Variants in CDYL2 observed in about 807,000 individuals in gnomAD.
CDYL2 encodes chromodomain Y-like protein 2.
In CDYL2, 23 loss-of-function variants were observed where a neutral mutation model predicts 49.4. The ratio of observed to expected loss-of-function variants is 0.47; its 90% confidence interval spans 0.34 to 0.66. CDYL2 has a LOEUF of 0.66. Ranked by LOEUF, CDYL2 falls within the 30% of genes least tolerant of loss-of-function variation. The pLI, the probability that CDYL2 is intolerant of heterozygous loss-of-function variation, is 0.01. For synonymous variants in CDYL2, 360 were observed against 268.8 expected, an observed-to-expected ratio of 1.34 and a Z score of -3.32; for missense variants, 678 against 656.4, an observed-to-expected ratio of 1.03 and a Z score of -0.36.
Position 80,684,404 on chromosome 16 carries a change from G to C in CDYL2, c.616+134C>G, listed in dbSNP as rs940248015. The C allele has an allele frequency of 4.2e-5, 34 of 805,794 alleles. No individual in the cohort carries two copies. In the African/African-American group the frequency reaches 4.7e-4, roughly 11 times the overall value. The allele number at this position is 805,794 out of a possible 1,614,324, so 49.9% of individuals were successfully genotyped here. A position where few individuals can be genotyped will look rare whatever the true frequency, so the allele number is the denominator to read the frequency against. On this transcript the variant is annotated intron_variant, in intron 2 of 6. Transcript: ENST00000570137. ...AGTCCACAAAGCTCTAGGTGAGAGA[G>C]ATGAAGGGGGAATTGCTGGCTAGCT...
chr16:80,601,944 A>G lies in CDYL2; in HGVS notation c.*2444T>C, dbSNP rs1906105332. On this transcript the variant is annotated 3_prime_UTR_variant, in exon 7 of 7. Coordinates refer to ENST00000570137, the MANE Select transcript of CDYL2 (RefSeq NM_152342.4). ...AAGCTGAAGCATTTCTAGTTCTTTC[A>G]AGCAGGGAATGAAGGTGGACACTGA... 1 of 152,200 alleles carries G rather than the reference A, an allele frequency of 6.6e-6. No homozygotes were observed. Among genetic ancestry groups the G allele is most frequent in the African/African-American group, 2.4e-5 (1 of 41,458 alleles). 9.4% of individuals were successfully genotyped at this position (152,200 alleles called of 1,614,324 possible).
At chr16:80,656,250 G>C (rs1203372538) in intron 2 of CDYL2, among the ~76,000 whole-genome samples, 1 of 152,206 alleles carries the variant, frequency 6.6e-6, no homozygotes, top group Non-Finnish European at 1.5e-5. Context: ...ATTCAAAAAG[G>C]AGGAACTAAT....
intron 1 of CDYL2, among the ~76,000 whole-genome samples, chr16:80,729,982 GC>G (rs1460781432): frequency 6.6e-6 from 1 of 152,004 alleles, no homozygotes; most frequent in African/African-American, 2.4e-5. Flanking sequence ...AGCACTAAAT[GC>G]CCACAAGAGA....
At chr16:80,743,678 TG>T (rs1181379319) in intron 1 of CDYL2, among the ~76,000 whole-genome samples, 3 of 152,238 alleles carry the variant, frequency 2.0e-5, no homozygotes, top group Non-Finnish European at 4.4e-5. Context: ...TTTGTTTGTT[TG>T]TTTGTTTTTT....
chr16:80,619,805 G>A lies in CDYL2; in HGVS notation c.1007+958C>T, dbSNP rs75953902. Among the ~76,000 whole-genome samples the A allele has an allele frequency of 3.2e-4, 48 of 152,306 alleles. No homozygotes were observed. The East Asian group carries it at 8.9e-3, about 28-fold the overall frequency. On this transcript the variant is annotated intron_variant, in intron 4 of 6. Transcript: ENST00000570137. ...CAATGGCTGCTTCACCCTGAAGAGG[G>A]ACTCAGAATTCCACACACAAGAGCA... is the stretch of plus-strand genomic sequence containing the variant.
rs567694976 is a variant in CDYL2 at position 80,701,731 on chromosome 16, G to A, written c.25-16602C>T. Among the ~76,000 whole-genome samples, 160 of 152,310 alleles carry A rather than the reference G, an allele frequency of 1.1e-3. 2 individuals are homozygous for A. The highest frequency in any genetic ancestry group is 1.9e-3 in the South Asian group (9 of 4,828). ...AAAGTTGGTTTGCAACAAACTGATCGATAAATGTAACGCAGTTTACAATCA... is the reference window on the plus strand; with the variant it reads ...AAAGTTGGTTTGCAACAAACTGATCAATAAATGTAACGCAGTTTACAATCA... On this transcript the variant is annotated intron_variant, in intron 1 of 6. Coordinates refer to ENST00000570137, the MANE Select transcript of CDYL2 (RefSeq NM_152342.4).
chr16:80,627,623 T>G (rs1048366471), intron 3 of CDYL2: 2 of 152,224 alleles, frequency 1.3e-5, no homozygotes, highest in African/African-American at 4.8e-5. Context: ...AATTTAATAA[T>G]GTAACTGGTT....
chr16:80,652,717 T>G (rs565321533), intron 2 of CDYL2, among the ~76,000 whole-genome samples: 1 of 152,280 alleles, frequency 6.6e-6, no homozygotes, highest in South Asian at 2.1e-4. Flanking sequence ...TTATGAACTA[T>G]AGACCTGATA....
intron 2 of CDYL2, among the ~76,000 whole-genome samples, chr16:80,665,282 G>C (rs1229777958): frequency 6.6e-6 from 1 of 151,996 alleles, no homozygotes; most frequent in Non-Finnish European, 1.5e-5. Flanking sequence ...TGCTTCGGTG[G>C]TATCCACGTT....
At position 80,758,767 on chromosome 16, in the gene CDYL2, C is replaced by A. The variant is rs182939332; in HGVS notation, c.24+45383G>T. On this transcript the variant is annotated intron_variant, in intron 1 of 6. Coordinates refer to ENST00000570137, the MANE Select transcript of CDYL2 (RefSeq NM_152342.4). Reference sequence around the variant, plus strand: ...CCGTGTTAGCCAGGATGGTTTCAATCTCCTGACCTCCTGATCCGCCCGCCT... The same window carrying A: ...CCGTGTTAGCCAGGATGGTTTCAATATCCTGACCTCCTGATCCGCCCGCCT... 3.3e-3 allele frequency among the ~76,000 whole-genome samples: 506 copies of A among 151,958 alleles called. 2 individuals are homozygous for A. Among genetic ancestry groups the A allele is most frequent in the Middle Eastern group, 6.8e-3 (2 of 294 alleles).
rs77497614 is a variant in CDYL2, at chr16:80,732,009, A to T, written c.25-46880T>A. On this transcript the variant is annotated intron_variant, in intron 1 of 6. Coordinates refer to ENST00000570137, the MANE Select transcript of CDYL2 (RefSeq NM_152342.4). Reference sequence around the variant, plus strand: ...CCGCAAGGAAAGTCAGCACAGATTGAAACAGGATAGAAATTTTCTGGCCAA... The same window carrying T: ...CCGCAAGGAAAGTCAGCACAGATTGTAACAGGATAGAAATTTTCTGGCCAA... Among the ~76,000 whole-genome samples the T allele has an allele frequency of 8.0e-3, 1,222 of 152,158 alleles. 23 individuals are homozygous for T. Among genetic ancestry groups the T allele is most frequent in the African/African-American group, 0.028 (1,161 of 41,534 alleles).
chr16:80,703,742 CCT>C (rs1169796526), intron 1 of CDYL2, among the ~76,000 whole-genome samples: 1 of 152,144 alleles, frequency 6.6e-6, no homozygotes, highest in African/African-American at 2.4e-5. Flanking sequence ...TACAGGCTCC[CCT>C]AAGTCCTGCT....
intron 2 of CDYL2, among the ~76,000 whole-genome samples, chr16:80,649,063 C>A (rs1355512877): frequency 6.6e-6 from 1 of 152,128 alleles, no homozygotes; most frequent in East Asian, 1.9e-4. Context: ...GAAAGCCTTT[C>A]CTCTAAGATC....
At chr16:80,685,703 G>GA in intron 1 of CDYL2, among the ~76,000 whole-genome samples, 1 of 152,276 alleles carries the variant, frequency 6.6e-6, no homozygotes, top group Non-Finnish European at 1.5e-5. Flanking sequence ...AAAACTCAAT[G>GA]AAGTAAATAT....
intron 1 of CDYL2, among the ~76,000 whole-genome samples, chr16:80,700,563 G>C (rs1295932237): frequency 6.6e-6 from 1 of 152,174 alleles, no homozygotes; most frequent in South Asian, 2.1e-4. Context: ...ATTAGAAAGA[G>C]GGTTAAGCTC....
intron 1 of CDYL2, among the ~76,000 whole-genome samples, chr16:80,752,785 A>G (rs1003582994): frequency 1.3e-5 from 2 of 152,208 alleles, no homozygotes; most frequent in Non-Finnish European, 2.9e-5. Flanking sequence ...GCTGTGGCTG[A>G]TGTCAGCTGC....
chr16:80,698,740 T>C lies in CDYL2; in HGVS notation c.25-13611A>G, dbSNP rs533410188. Among the ~76,000 whole-genome samples, 6 of 152,230 alleles carry C rather than the reference T, an allele frequency of 3.9e-5. No individual in the cohort carries two copies. In the East Asian group the frequency reaches 5.8e-4, roughly 15 times the overall value. The stretch of plus-strand genomic sequence containing the variant: ...CCATATAAGATGTGTCTTCTTCCCC[T>C]TCACCTTCTGCCATGATTGTAAGTT... On this transcript the variant is annotated intron_variant, in intron 1 of 6. Transcript: ENST00000570137.
At chr16:80,679,209 A>G (rs941725432) in intron 2 of CDYL2, among the ~76,000 whole-genome samples, 1 of 151,988 alleles carries the variant, frequency 6.6e-6, no homozygotes, top group Non-Finnish European at 1.5e-5. Context: ...ACATGTATAC[A>G]TATGTAACTA....
intron 1 of CDYL2, among the ~76,000 whole-genome samples, chr16:80,685,552 G>C (rs958265246): frequency 6.6e-6 from 1 of 152,122 alleles, no homozygotes; most frequent in African/African-American, 2.4e-5. Context: ...CATTTATTGA[G>C]CAATTATATG....
Sources: allele counts gnomAD v4.1 joint callset (sites outside exome capture counted in the v4.1 genomes callset), GRCh38; gene constraint gnomAD v4.1.1; transcripts MANE v1.5; gene names NCBI Gene and HGNC (gene_info 2026-07-23, HGNC 2026-07-21).